Variants in EEIG1 observed in about 807,000 individuals in gnomAD.
EEIG1 encodes early estrogen-induced gene 1 protein.
At chr9:127,944,689 G>A in the EEIG1 span, 4 of 1,612,888 alleles carry the variant, frequency 2.5e-6, no homozygotes, top group South Asian at 3.3e-5. Context: ...TGCTGTCTGT[G>A]GGGACACAGG....
the EEIG1 span, among the ~76,000 whole-genome samples, chr9:127,958,656 C>T: frequency 6.6e-6 from 1 of 151,572 alleles, no homozygotes; most frequent in African/African-American, 2.4e-5. Context: ...CACAGTGAAA[C>T]CCTATCTTAA....
chr9:127,977,408 G>C, the EEIG1 span, among the ~76,000 whole-genome samples: 119,371 of 152,242 alleles, frequency 0.78, 47,985 homozygotes, highest in Non-Finnish European at 0.88. Context: ...AAGGCCAACA[G>C]GTAGGGAGAC....
At chr9:127,951,702 A>G in the EEIG1 span, among the ~76,000 whole-genome samples, 1 of 151,722 alleles carries the variant, frequency 6.6e-6, no homozygotes, top group African/African-American at 2.4e-5. Flanking sequence ...CTGTAGTCCC[A>G]GCTACTCAGG....
chr9:127,973,279 TA>T, the EEIG1 span, among the ~76,000 whole-genome samples: 2 of 152,096 alleles, frequency 1.3e-5, no homozygotes, highest in Admixed American at 1.3e-4. This position sits in a 1 kb window ranked among gnomAD's most constrained non-coding sequence, Gnocchi z 4.2. Context: ...AAGGTGCAAG[TA>T]GGGCCTCCCA....
chr9:127,974,096 A>C, the EEIG1 span, among the ~76,000 whole-genome samples: 1 of 152,076 alleles, frequency 6.6e-6, no homozygotes, highest in Non-Finnish European at 1.5e-5. Flanking sequence ...CCCGGCACTT[A>C]CTAAGTACTA....
chr9:127,945,565 G>A, the EEIG1 span: 6 of 1,564,122 alleles, frequency 3.8e-6, no homozygotes, highest in South Asian at 2.3e-5. The surrounding 1 kb of genome is among the most constrained non-coding windows in gnomAD (Gnocchi z 6.5). Flanking sequence ...GCTGTAGCCT[G>A]TCAGGGGCGA....
the EEIG1 span, among the ~76,000 whole-genome samples, chr9:127,955,451 CG>C: frequency 6.6e-6 from 1 of 152,264 alleles, no homozygotes; most frequent in African/African-American, 2.4e-5. Flanking sequence ...CTCAGGAGCC[CG>C]GGAAAGCCTG....
At chr9:127,965,568 C>T in the EEIG1 span, among the ~76,000 whole-genome samples, 37 of 152,298 alleles carry the variant, frequency 2.4e-4, no homozygotes, top group African/African-American at 8.2e-4. Context: ...GCCTGCCATC[C>T]GTCTGCCCCT....
the EEIG1 span, among the ~76,000 whole-genome samples, chr9:127,946,094 G>A: frequency 6.6e-6 from 1 of 152,216 alleles, no homozygotes; most frequent in African/African-American, 2.4e-5. Flanking sequence ...CTGGGGACAG[G>A]GGAGGCTTCT....
the EEIG1 span, chr9:127,944,125 C>G: frequency 5.7e-6 from 1 of 175,608 alleles, no homozygotes; most frequent in African/African-American, 2.4e-5. Context: ...CAACTTTGGT[C>G]CCATCTACCC....
the EEIG1 span, among the ~76,000 whole-genome samples, chr9:127,974,392 A>T: frequency 6.6e-6 from 1 of 151,936 alleles, no homozygotes; most frequent in Non-Finnish European, 1.5e-5. Context: ...CACCCTCCCC[A>T]TACCCCAGCT....
the EEIG1 span, chr9:127,953,732 C>G: frequency 6.8e-6 from 11 of 1,610,436 alleles, no homozygotes; most frequent in Non-Finnish European, 2.5e-6. Context: ...CCATTTTCAG[C>G]TGGGGGTGCG....
At chr9:127,979,998 G>C in the EEIG1 span, 1 of 1,612,418 alleles carries the variant, frequency 6.2e-7, no homozygotes, top group Non-Finnish European at 8.5e-7. Flanking sequence ...CTACCTTGAC[G>C]ACAAGCTGAC....
At chr9:127,945,816 C>T in the EEIG1 span, 6 of 1,158,346 alleles carry the variant, frequency 5.2e-6, no homozygotes, top group South Asian at 8.1e-5. This position sits in a 1 kb window ranked among gnomAD's most constrained non-coding sequence, Gnocchi z 6.5. Flanking sequence ...CTCACTGTCG[C>T]CCTTCACAAC....
chr9:127,979,458 A>G, the EEIG1 span, among the ~76,000 whole-genome samples: 1 of 152,218 alleles, frequency 6.6e-6, no homozygotes, highest in African/African-American at 2.4e-5. Context: ...GGGTATTTGC[A>G]ATGCAAAGCA....
At chr9:127,948,251 A>G in the EEIG1 span, 3 of 1,613,416 alleles carry the variant, frequency 1.9e-6, no homozygotes, top group Middle Eastern at 1.7e-4. Flanking sequence ...AGGTGTGACT[A>G]GGGTGCCCTG....
chr9:127,968,563 C>G, the EEIG1 span, among the ~76,000 whole-genome samples: 1 of 152,168 alleles, frequency 6.6e-6, no homozygotes, highest in Non-Finnish European at 1.5e-5. Context: ...TAAGGGCTCC[C>G]CTAAGCCTTC....
chr9:127,945,737 G>A, the EEIG1 span: 18 of 1,568,458 alleles, frequency 1.1e-5, no homozygotes, highest in East Asian at 4.7e-5. This position sits in a 1 kb window ranked among gnomAD's most constrained non-coding sequence, Gnocchi z 6.5. Flanking sequence ...GGTTCTGGTC[G>A]GGTTCCTCTG....
At chr9:127,945,483 G>C in the EEIG1 span, 1 of 1,567,200 alleles carries the variant, frequency 6.4e-7, no homozygotes, top group East Asian at 2.4e-5. The surrounding 1 kb of genome is among the most constrained non-coding windows in gnomAD (Gnocchi z 6.5). Context: ...GGCCCCCAGA[G>C]GCGCTGCTGC....
Sources: gnomAD v4.1 joint callset for allele counts (sites outside exome capture counted in the v4.1 genomes callset) on GRCh38, gnomAD v4.1.1 for gene constraint, Gnocchi (gnomAD v3.1) non-coding constraint, MANE v1.5 for transcripts, NCBI Gene and HGNC (gene_info 2026-07-23, HGNC 2026-07-21) for gene names.